ZC4H2: variants seen among roughly 807,000 people sequenced by gnomAD.
ZC4H2 encodes the protein zinc finger C4H2-type containing.
For synonymous variants in ZC4H2, 84 were observed against 66.3 expected, an observed-to-expected ratio of 1.27 and a Z score of -1.30; for missense variants, 137 against 173.9, an observed-to-expected ratio of 0.79 and a Z score of 1.19.
At chrX:65,024,197 G>T (rs751202312) in intron 1 of ZC4H2, among the ~76,000 whole-genome samples, 1 of 110,480 alleles carries the variant, frequency 9.1e-6, no homozygotes, top group South Asian at 3.9e-4. Context: ...ACCAGGGCAT[G>T]TGTATACCTA....
chrX:65,019,054 A>C (rs1932816412), intron 1 of ZC4H2, among the ~76,000 whole-genome samples: 1 of 110,200 alleles, frequency 9.1e-6, no homozygotes, highest in African/African-American at 3.3e-5. Flanking sequence ...TATAGATAAA[A>C]CCCCCATCTC....
chrX:65,013,339 T>C (rs759706183), intron 1 of ZC4H2, among the ~76,000 whole-genome samples: 180 of 111,602 alleles, frequency 1.6e-3, no homozygotes, highest in Non-Finnish European at 2.5e-3. Flanking sequence ...ATCCCTGCCT[T>C]CTAGTATCCA....
chrX:64,957,792 G>GT (rs2094940850), intron 1 of ZC4H2, among the ~76,000 whole-genome samples: 1 of 110,918 alleles, frequency 9.0e-6, no homozygotes, highest in East Asian at 2.8e-4. Context: ...AGCCTGGGAT[G>GT]TCAAGGCTTC....
intron 1 of ZC4H2, among the ~76,000 whole-genome samples, chrX:64,923,352 G>T (rs1929290380): frequency 9.0e-6 from 1 of 111,305 alleles, no homozygotes; most frequent in Admixed American, 9.6e-5. Flanking sequence ...GCATGTTGTT[G>T]TCTTCCCACT....
intron 1 of ZC4H2, among the ~76,000 whole-genome samples, chrX:64,944,287 C>T (rs772110012): frequency 7.4e-5 from 8 of 108,632 alleles, no homozygotes; most frequent in Middle Eastern, 4.3e-3. Flanking sequence ...ACTACAGGTG[C>T]CTGCCACCAT....
intron 1 of ZC4H2, among the ~76,000 whole-genome samples, chrX:64,935,016 C>A (rs957532492): frequency 9.0e-6 from 1 of 110,647 alleles, no homozygotes; most frequent in Non-Finnish European, 1.9e-5. Flanking sequence ...AGCCAGGGAG[C>A]CAAGTAGTCT....
chrX:64,925,142 C>T (rs970829054), intron 1 of ZC4H2, among the ~76,000 whole-genome samples: 1 of 111,910 alleles, frequency 8.9e-6, no homozygotes, highest in African/African-American at 3.2e-5. Context: ...CCCAACTCTT[C>T]CACCATGGAT....
chrX:64,975,579 G>A (rs1040210038), intron 1 of ZC4H2, among the ~76,000 whole-genome samples: 1 of 111,145 alleles, frequency 9.0e-6, no homozygotes, highest in Admixed American at 9.5e-5. Context: ...GCGCTATTGT[G>A]TTCTGAGCAA....
intron 1 of ZC4H2, among the ~76,000 whole-genome samples, chrX:64,955,449 A>G (rs1931117394): frequency 9.0e-6 from 1 of 111,583 alleles, no homozygotes; most frequent in African/African-American, 3.3e-5. Context: ...TGAGAACATC[A>G]GAGAAAGGCT....
intron 1 of ZC4H2, among the ~76,000 whole-genome samples, chrX:65,016,578 C>T (rs977410039): frequency 9.0e-6 from 1 of 111,541 alleles, no homozygotes; most frequent in Admixed American, 9.5e-5. Context: ...GAAGATGAAT[C>T]GTATTGGGAA....
rs1240675025 is a variant in ZC4H2, at chrX:64,937,106, A to AT, written c.54-15119_54-15118insA. On this transcript the variant is annotated intron_variant, in intron 1 of 4. Coordinates refer to ENST00000374839, the MANE Select transcript of ZC4H2 (RefSeq NM_018684.4). ...AAGCAAATGGAAAGAAAAAAAAAAA[A>AT]GCTGGGGTTGCAATCCTAATCTCTG... Among the ~76,000 whole-genome samples the AT allele has an allele frequency of 3.8e-5, 4 of 105,985 alleles. No individual in the cohort carries two copies. In the East Asian group the frequency reaches 1.1e-3, roughly 30 times the overall value. 92.0% of individuals were successfully genotyped at this position (105,985 alleles called of 115,157 possible). A position where few individuals can be genotyped will look rare whatever the true frequency, so the allele number is the denominator to read the frequency against.
intron 1 of ZC4H2, among the ~76,000 whole-genome samples, chrX:64,947,181 T>C (rs1350014141): frequency 8.9e-6 from 1 of 112,581 alleles, no homozygotes; most frequent in Non-Finnish European, 1.9e-5. Flanking sequence ...AGTTTGATTT[T>C]ATTAATGTCA....
At chrX:65,026,526 G>T (rs1264332696) in intron 1 of ZC4H2, among the ~76,000 whole-genome samples, 1 of 110,458 alleles carries the variant, frequency 9.1e-6, no homozygotes, top group East Asian at 2.9e-4. Context: ...TGGCTAACAC[G>T]GTGAAACCCT....
At chrX:64,968,251 A>G (rs1008214684) in intron 1 of ZC4H2, among the ~76,000 whole-genome samples, 3 of 112,194 alleles carry the variant, frequency 2.7e-5, no homozygotes, top group Non-Finnish European at 5.6e-5. Context: ...TCACACATGA[A>G]GAATTTGAGG....
At chrX:64,921,128 A>G (rs1312032546) in intron 2 of ZC4H2, among the ~76,000 whole-genome samples, 1 of 112,427 alleles carries the variant, frequency 8.9e-6, no homozygotes, top group Non-Finnish European at 1.9e-5. Flanking sequence ...TTGCCACAGA[A>G]ATGAGTTTTC....
chrX:64,998,145 C>T (rs1413644961), intron 1 of ZC4H2, among the ~76,000 whole-genome samples: 1 of 111,355 alleles, frequency 9.0e-6, no homozygotes, highest in African/African-American at 3.3e-5. Flanking sequence ...ATAAGACATA[C>T]AGAAAGCAAA....
chrX:64,944,129 TTTTTC>T (rs1273440793), intron 1 of ZC4H2, among the ~76,000 whole-genome samples: 1 of 102,955 alleles, frequency 9.7e-6, no homozygotes, highest in African/African-American at 3.9e-5. Flanking sequence ...GGTTAAAATT[TTTTTC>T]TTTTTTCTTT....
At chrX:64,927,277 T>A (rs920135368) in intron 1 of ZC4H2, among the ~76,000 whole-genome samples, 1 of 110,688 alleles carries the variant, frequency 9.0e-6, no homozygotes, top group Non-Finnish European at 1.9e-5. Context: ...ATGCTATCCC[T>A]ACCCTAGCCC....
chrX:64,982,081 C>T (rs1323998001), intron 1 of ZC4H2, among the ~76,000 whole-genome samples: 1 of 111,137 alleles, frequency 9.0e-6, no homozygotes, highest in African/African-American at 3.3e-5. Context: ...TCTGCAAGTC[C>T]GAAAAACCCT....
Sources: allele counts gnomAD v4.1 joint callset (sites outside exome capture counted in the v4.1 genomes callset), GRCh38; gene constraint gnomAD v4.1.1; transcripts MANE v1.5; gene names NCBI Gene and HGNC (gene_info 2026-07-23, HGNC 2026-07-21).